Variants in SLC22A4 observed in about 807,000 individuals in gnomAD.
The protein encoded by SLC22A4 is ET transporter.
A neutral mutation model predicts 56.6 loss-of-function variants in SLC22A4; 39 were observed. That is an observed-to-expected ratio of 0.69 (90% CI 0.53 to 0.90). The LOEUF (loss-of-function observed/expected upper bound fraction) is 0.90. Among genes scored for constraint, SLC22A4 ranks in the 40% least tolerant of loss-of-function variants. SLC22A4 has a pLI of 0.00. For missense variants in SLC22A4, 594 were observed against 696.5 expected (o/e 0.85, Z 1.66); for synonymous variants, 241 against 281.4 (o/e 0.86, Z 1.44).
chr5:132,343,163 G>A lies in SLC22A4; in HGVS notation c.1581-597G>A, dbSNP rs1237765555. ...ACCAGTATCTTTTTATGACACCACA[G>A]CAAACATTTAAAAGATTAGTGGTAT... On this transcript the variant is annotated intron_variant, in intron 9 of 9. Transcript: ENST00000200652. Among the ~76,000 whole-genome samples the A allele has an allele frequency of 2.0e-5, 3 of 152,272 alleles. No individual in the cohort carries two copies. The East Asian group carries it at 5.8e-4, about 29-fold the overall frequency.
Position 132,331,851 on chromosome 5 carries a change from G to A in SLC22A4, c.1046+1G>A. On this transcript the variant is annotated splice_donor_variant, in intron 6 of 9. Coordinates refer to ENST00000200652, the MANE Select transcript of SLC22A4 (RefSeq NM_003059.3). LOFTEE classifies it high-confidence loss of function. Reference sequence around the variant, plus strand: ...TGACCATTATGTCTTTGCTGCTATGGTAAGTAATAAGTGACCTGGAAATGC... The same window carrying A: ...TGACCATTATGTCTTTGCTGCTATGATAAGTAATAAGTGACCTGGAAATGC... 6.3e-7 allele frequency: 1 copy of A among 1,586,742 alleles called. No homozygotes were observed. Among genetic ancestry groups the A allele is most frequent in the Non-Finnish European group, 8.7e-7 (1 of 1,155,618 alleles).
At chr5:132,311,996 G>A in intron 1 of SLC22A4, 165 bp from the exon 2 acceptor site, 1 of 714,516 alleles carries the variant, frequency 1.4e-6, no homozygotes, top group Non-Finnish European at 2.6e-6. Context: ...GCACAGGCCA[G>A]TCAAACCCAG....
At chr5:132,299,393 C>T (rs1188441270) in intron 1 of SLC22A4, among the ~76,000 whole-genome samples, 1 of 115,492 alleles carries the variant, frequency 8.7e-6, no homozygotes, top group Non-Finnish European at 1.7e-5. Flanking sequence ...AATTATTTTT[C>T]GTTTTATTTT....
chr5:132,304,089 AAAAC>A (rs746983023), intron 1 of SLC22A4, among the ~76,000 whole-genome samples: 44 of 152,346 alleles, frequency 2.9e-4, no homozygotes, highest in East Asian at 1.7e-3. Context: ...GAAAAAACAG[AAAAC>A]AAACAAACAA....
intron 2 of SLC22A4, 151 bp downstream of exon 2, chr5:132,312,415 C>G: frequency 1.5e-6 from 1 of 671,744 alleles, no homozygotes; most frequent in Non-Finnish European, 2.7e-6. Context: ...CCGATGTCTC[C>G]TATTCACCCC....
At chr5:132,338,929 T>A (rs907711781) in intron 8 of SLC22A4, among the ~76,000 whole-genome samples, 1 of 152,160 alleles carries the variant, frequency 6.6e-6, no homozygotes, top group Non-Finnish European at 1.5e-5. Flanking sequence ...GATTAAGAGA[T>A]TAAAGACAGG....
At chr5:132,334,319 T>G (rs944079775) in intron 6 of SLC22A4, among the ~76,000 whole-genome samples, 6 of 152,244 alleles carry the variant, frequency 3.9e-5, no homozygotes, top group African/African-American at 1.4e-4. Flanking sequence ...CTAATATTTT[T>G]TCTTCATATA....
intron 3 of SLC22A4, among the ~76,000 whole-genome samples, chr5:132,315,139 G>A (rs544642691): frequency 1.1e-3 from 169 of 152,318 alleles, no homozygotes; most frequent in Non-Finnish European, 1.8e-3. Flanking sequence ...AAAGCCTATT[G>A]TCTTCATGTT....
intron 9 of SLC22A4, among the ~76,000 whole-genome samples, chr5:132,341,767 G>T (rs966039072): frequency 1.3e-5 from 2 of 152,052 alleles, no homozygotes; most frequent in South Asian, 4.2e-4. Context: ...GTCCAACATG[G>T]TGAAACCCCA....
intron 2 of SLC22A4, 34 bp from the exon 3 acceptor site, chr5:132,313,580 C>T (rs962362264): frequency 6.2e-7 from 1 of 1,609,968 alleles, no homozygotes; most frequent in African/African-American, 1.3e-5. Context: ...GCAACCTACA[C>T]ATCTCATGTT....
At chr5:132,334,632 A>G in intron 6 of SLC22A4, 86 bp from the exon 7 acceptor site, 1 of 916,310 alleles carries the variant, frequency 1.1e-6, no homozygotes, top group Non-Finnish European at 1.8e-6. Flanking sequence ...CTTATAAGAC[A>G]GCAAGATATA....
At chr5:132,327,448 T>C (rs936194675) in intron 5 of SLC22A4, 45 bp downstream of exon 5, 3 of 1,569,110 alleles carry the variant, frequency 1.9e-6, no homozygotes, top group East Asian at 2.2e-5. Flanking sequence ...CTATGCATTC[T>C]TGATTTTATG....
intron 3 of SLC22A4, among the ~76,000 whole-genome samples, chr5:132,319,189 C>G (rs1372194184): frequency 6.6e-6 from 1 of 151,492 alleles, no homozygotes; most frequent in African/African-American, 2.4e-5. Context: ...GTAGTCCTAG[C>G]TACTTGGGAG....
chr5:132,342,095 A>G (rs1751236062), intron 9 of SLC22A4, among the ~76,000 whole-genome samples: 1 of 152,222 alleles, frequency 6.6e-6, no homozygotes, highest in African/African-American at 2.4e-5. Flanking sequence ...AAGAACCATA[A>G]AGGAACAGAT....
rs556815590 is a variant in SLC22A4, at chr5:132,298,878, T to A, written c.393+3869T>A. On this transcript the variant is annotated intron_variant, in intron 1 of 9. Coordinates refer to ENST00000200652, the MANE Select transcript of SLC22A4 (RefSeq NM_003059.3). Reference sequence around the variant, plus strand: ...CTGTTCTAAAGTCCAGGTTGTGGCCTGTGTAATAGGTGATGGGACTTGCTG... The same window carrying A: ...CTGTTCTAAAGTCCAGGTTGTGGCCAGTGTAATAGGTGATGGGACTTGCTG... 4.6e-5 allele frequency among the ~76,000 whole-genome samples: 7 copies of A among 152,338 alleles called. No individual in the cohort carries two copies. The East Asian group carries it at 1.3e-3, about 29-fold the overall frequency.
chr5:132,328,838 TACAC>T lies in SLC22A4; in HGVS notation c.951+1462_951+1465del, dbSNP rs200357854. 2.9e-3 allele frequency among the ~76,000 whole-genome samples: 403 copies of T among 138,666 alleles called. 4 individuals carry two copies. The highest frequency in any genetic ancestry group is 0.012 in the Admixed American group (165 of 14,176). 91.0% of individuals were successfully genotyped at this position (138,666 alleles called of 152,430 possible). A position where few individuals can be genotyped will look rare whatever the true frequency, so the allele number is the denominator to read the frequency against. On this transcript the variant is annotated intron_variant, in intron 5 of 9. Transcript: ENST00000200652. ...GGCAGTGCCTTTATATATATATATA[TACAC>T]ACACACACACACACACACACACACA...
intron 9 of SLC22A4, among the ~76,000 whole-genome samples, chr5:132,342,913 T>C (rs747246662): frequency 6.6e-6 from 1 of 152,240 alleles, no homozygotes; most frequent in Admixed American, 6.5e-5. Flanking sequence ...TTTAGTCATG[T>C]TGGCATGATG....
intron 5 of SLC22A4, among the ~76,000 whole-genome samples, chr5:132,331,398 A>G (rs1391566211): frequency 1.3e-5 from 2 of 152,134 alleles, no homozygotes; most frequent in Non-Finnish European, 2.9e-5. Flanking sequence ...AAGGGACTAC[A>G]TGGCCCTACC....
chr5:132,332,312 TA>T (rs879579219), intron 6 of SLC22A4: 5,727 of 164,908 alleles, frequency 0.035, no homozygotes, highest in South Asian at 0.098. Flanking sequence ...AGACTCCATC[TA>T]AAAAAAAAAA....
Sources: allele counts gnomAD v4.1 joint callset (sites outside exome capture counted in the v4.1 genomes callset), GRCh38; gene constraint gnomAD v4.1.1; transcripts MANE v1.5; gene names NCBI Gene and HGNC (gene_info 2026-07-23, HGNC 2026-07-21).